Variants in CSMD1 observed in about 807,000 individuals in gnomAD.
CSMD1 encodes the protein CUB and Sushi multiple domains 1.
CSMD1 carries 213 observed loss-of-function variants against 417.5 expected under a neutral mutation model. The ratio of observed to expected loss-of-function variants is 0.51; its 90% CI spans 0.46 to 0.57. The LOEUF is 0.57. CSMD1 is among the 20% of genes least tolerant of loss of function. The probability of loss-of-function intolerance (pLI) is 0.00; values close to 1 mark genes in which losing one functional copy is unlikely to be tolerated. For missense variants in CSMD1, 6,923 were observed against 4,529.7 expected (o/e 1.53, Z -15.17); for synonymous variants, 2,862 against 1,736.8 (o/e 1.65, Z -16.11).
At chr8:3,801,275 C>G (rs1800443035) in intron 5 of CSMD1, among the ~76,000 whole-genome samples, 2 of 151,666 alleles carry the variant, frequency 1.3e-5, no homozygotes, top group Non-Finnish European at 2.9e-5. Flanking sequence ...CCACAAAAAC[C>G]CTAACAATTA....
At chr8:3,503,448 A>G (rs918966448) in intron 10 of CSMD1, among the ~76,000 whole-genome samples, 3 of 152,362 alleles carry the variant, frequency 2.0e-5, no homozygotes, top group African/African-American at 4.8e-5. Context: ...GAAAAGCGCA[A>G]TTCCTCTAAA....
chr8:3,684,426 C>G (rs1321945396), intron 7 of CSMD1, among the ~76,000 whole-genome samples: 2 of 149,228 alleles, frequency 1.3e-5, no homozygotes, highest in Non-Finnish European at 3.0e-5. Flanking sequence ...TTTTTTTCAT[C>G]TGCATGACTC....
At chr8:4,776,591 C>T (rs1048254398) in intron 1 of CSMD1, among the ~76,000 whole-genome samples, 1 of 152,176 alleles carries the variant, frequency 6.6e-6, no homozygotes, top group South Asian at 2.1e-4. Flanking sequence ...CATAAACGTT[C>T]GCGTTCAATG....
At chr8:4,424,822 T>G (rs1563159333) in intron 2 of CSMD1, among the ~76,000 whole-genome samples, 1 of 152,072 alleles carries the variant, frequency 6.6e-6, no homozygotes, top group Admixed American at 6.6e-5. Context: ...TGCCGGTGGT[T>G]TCCACTTGAG....
chr8:3,160,338 G>A (rs1190688247), intron 38 of CSMD1, among the ~76,000 whole-genome samples: 5 of 152,108 alleles, frequency 3.3e-5, no homozygotes. Flanking sequence ...GCCCAGGCTG[G>A]TCTCAAACTC....
At chr8:3,316,078 G>A (rs1298261830) in intron 23 of CSMD1, among the ~76,000 whole-genome samples, 1 of 152,112 alleles carries the variant, frequency 6.6e-6, no homozygotes, top group African/African-American at 2.4e-5. Flanking sequence ...AACTCAGAGT[G>A]GGGGAACTTG....
intron 3 of CSMD1, among the ~76,000 whole-genome samples, chr8:4,287,627 A>T (rs987649813): frequency 2.0e-5 from 3 of 151,142 alleles, no homozygotes; most frequent in Non-Finnish European, 2.9e-5. Flanking sequence ...AACCTTAATT[A>T]AATGCTGGCT....
At chr8:3,471,037 G>A (rs147895559) in intron 11 of CSMD1, among the ~76,000 whole-genome samples, 3 of 152,282 alleles carry the variant, frequency 2.0e-5, no homozygotes, top group Non-Finnish European at 2.9e-5. Flanking sequence ...AGATAAAAGC[G>A]CAAGAGGGCA....
intron 4 of CSMD1, among the ~76,000 whole-genome samples, chr8:4,016,553 A>G (rs1796533920): frequency 6.6e-6 from 1 of 152,156 alleles, no homozygotes; most frequent in Non-Finnish European, 1.5e-5. Flanking sequence ...AAGAGGAGAA[A>G]AGATGAAGAT....
chr8:4,175,848 A>C (rs1468047217), intron 3 of CSMD1, among the ~76,000 whole-genome samples: 1 of 152,198 alleles, frequency 6.6e-6, no homozygotes, highest in Non-Finnish European at 1.5e-5. Context: ...ACTGGAAAGA[A>C]ATAACCAAAA....
intron 3 of CSMD1, among the ~76,000 whole-genome samples, chr8:4,036,996 T>A (rs181726707): frequency 0.042 from 6,037 of 145,052 alleles, 161 homozygotes; most frequent in Non-Finnish European, 0.061. Context: ...TGTGTGTGTG[T>A]GATCCTGCCA....
chr8:4,605,153 T>C (rs905698294), intron 2 of CSMD1, among the ~76,000 whole-genome samples: 2 of 152,330 alleles, frequency 1.3e-5, no homozygotes, highest in South Asian at 2.1e-4. Context: ...GTGTTCACAA[T>C]TCTCAAAAAA....
chr8:3,837,232 A>G (rs982759721), intron 5 of CSMD1, among the ~76,000 whole-genome samples: 1 of 152,214 alleles, frequency 6.6e-6, no homozygotes, highest in South Asian at 2.1e-4. Context: ...ATAGATGTGC[A>G]TAGCTAAAGC....
chr8:3,204,059 C>T (rs184733686), intron 31 of CSMD1, among the ~76,000 whole-genome samples: 1 of 152,074 alleles, frequency 6.6e-6, no homozygotes, highest in South Asian at 2.1e-4. Context: ...GAAAGAGTAA[C>T]GAATGGGGGA....
intron 2 of CSMD1, among the ~76,000 whole-genome samples, chr8:4,607,611 G>A (rs1041041874): frequency 6.6e-5 from 10 of 152,084 alleles, no homozygotes; most frequent in Non-Finnish European, 1.5e-4. Context: ...CCAACATCAT[G>A]AGAGTTCTGG....
intron 5 of CSMD1, among the ~76,000 whole-genome samples, chr8:3,865,284 G>A (rs544537252): frequency 2.0e-5 from 3 of 152,322 alleles, no homozygotes; most frequent in African/African-American, 7.2e-5. Flanking sequence ...TCACATCTCA[G>A]AGAGCGGTAC....
At chr8:3,195,122 A>C (rs948817910) in intron 33 of CSMD1, among the ~76,000 whole-genome samples, 2 of 152,228 alleles carry the variant, frequency 1.3e-5, no homozygotes, top group African/African-American at 4.8e-5. Context: ...CAAATTACAG[A>C]AATAGGCCTT....
At chr8:3,038,336 T>A (rs911988937) in intron 50 of CSMD1, among the ~76,000 whole-genome samples, 3 of 152,214 alleles carry the variant, frequency 2.0e-5, no homozygotes, top group African/African-American at 7.2e-5. Flanking sequence ...TTACATAAAA[T>A]GAGTCTAATC....
rs569341092 is a variant in CSMD1, at chr8:3,448,642, C to T, written c.1561+20070G>A. On this transcript the variant is annotated intron_variant, in intron 12 of 69. Coordinates refer to ENST00000635120, the MANE Select transcript of CSMD1 (RefSeq NM_033225.6). ...AAAGGTGAGAGTGTGGGGCAAGGAG[C>T]GGGGCAGCATGAGTGGAGGCCAAGT... 5.3e-5 allele frequency among the ~76,000 whole-genome samples: 8 copies of T among 152,064 alleles called. No individual in the cohort carries two copies. In the East Asian group the frequency reaches 5.8e-4, roughly 11 times the overall value.
Sources: allele counts gnomAD v4.1 joint callset (sites outside exome capture counted in the v4.1 genomes callset), GRCh38; gene constraint gnomAD v4.1.1; transcripts MANE v1.5; gene names NCBI Gene and HGNC (gene_info 2026-07-23, HGNC 2026-07-21).